The following COL4A2 variants were observed in gnomAD, a reference collection of about 807,000 sequenced individuals.
COL4A2 encodes collagen type IV alpha 2 chain, also known as collagen alpha-2(IV) chain.
In COL4A2, 99 loss-of-function variants were observed where a neutral mutation model predicts 200.2. That is an observed-to-expected ratio of 0.49 (90% confidence interval 0.42 to 0.58). The LOEUF is 0.58. Among genes scored for constraint, COL4A2 ranks in the 20% least tolerant of loss-of-function variants. The pLI is 0.00. For missense variants in COL4A2, 1,950 were observed against 2,314.1 expected, an observed-to-expected ratio of 0.84 and a Z score of 3.23; for synonymous variants, 897 against 900.6, an observed-to-expected ratio of 1.00 and a Z score of 0.07.
At chr13:110,343,097 G>A (rs1876532355) in intron 3 of COL4A2, among the ~76,000 whole-genome samples, 1 of 152,094 alleles carries the variant, frequency 6.6e-6, no homozygotes, top group East Asian at 1.9e-4. Context: ...CCTAGTCCAG[G>A]GAACATGCAA....
At chr13:110,353,011 G>T (rs761993808) in intron 3 of COL4A2, among the ~76,000 whole-genome samples, 1 of 152,200 alleles carries the variant, frequency 6.6e-6, no homozygotes, top group Admixed American at 6.5e-5. Context: ...TGCAGGGGGC[G>T]TCAGTGAGAG....
At chr13:110,318,935 G>A (rs939608358) in intron 3 of COL4A2, among the ~76,000 whole-genome samples, 4 of 151,986 alleles carry the variant, frequency 2.6e-5, no homozygotes, top group Non-Finnish European at 4.4e-5. Context: ...TTATGGGCAG[G>A]TTGGGGGTTG....
intron 3 of COL4A2, among the ~76,000 whole-genome samples, chr13:110,309,453 T>A (rs1884910330): frequency 6.6e-6 from 1 of 152,234 alleles, no homozygotes; most frequent in South Asian, 2.1e-4. Flanking sequence ...CTCAGATTTA[T>A]GAACCAGAAG....
chr13:110,423,719 CT>C (rs763750428), intron 4 of COL4A2, among the ~76,000 whole-genome samples: 9 of 152,168 alleles, frequency 5.9e-5, no homozygotes, highest in African/African-American at 9.6e-5. Flanking sequence ...CTGCCTCCCC[CT>C]GTCCCTCTCT....
intron 4 of COL4A2, among the ~76,000 whole-genome samples, chr13:110,396,391 T>G (rs1399678958): frequency 6.6e-6 from 1 of 152,218 alleles, no homozygotes; most frequent in African/African-American, 2.4e-5. Context: ...CATGCAGGCT[T>G]GCGTTGGAAA....
chr13:110,310,650 G>T (rs749774873), intron 3 of COL4A2, among the ~76,000 whole-genome samples: 1 of 152,102 alleles, frequency 6.6e-6, no homozygotes, highest in African/African-American at 2.4e-5. Flanking sequence ...ATTGATTAAA[G>T]ATTTTTCTTA....
At chr13:110,390,317 C>T (rs1416917043) in intron 4 of COL4A2, among the ~76,000 whole-genome samples, 1 of 152,248 alleles carries the variant, frequency 6.6e-6, no homozygotes, top group African/African-American at 2.4e-5. Context: ...TCCAGGAAGA[C>T]TTCCATGGAA....
chr13:110,310,956 A>T (rs1884964302), intron 3 of COL4A2, among the ~76,000 whole-genome samples: 2 of 152,226 alleles, frequency 1.3e-5, no homozygotes, highest in South Asian at 2.1e-4. Flanking sequence ...AATGAGACGG[A>T]TTAGAACCCA....
intron 3 of COL4A2, among the ~76,000 whole-genome samples, chr13:110,354,656 A>T (rs1877112746): frequency 6.6e-6 from 1 of 150,620 alleles, no homozygotes; most frequent in Non-Finnish European, 1.5e-5. Context: ...TAACTGATGC[A>T]TCAGATACTA....
rs141592511 is a variant in COL4A2 at position 110,482,956 on chromosome 13, G to A, written c.2902+297G>A. Reference sequence around the variant, plus strand: ...AAACATATTCCACCATGATTATACCGTGGTAAACATGAAGAGGGGGCGGTG... The same window carrying A: ...AAACATATTCCACCATGATTATACCATGGTAAACATGAAGAGGGGGCGGTG... On this transcript the variant is annotated intron_variant, in intron 32 of 47. Coordinates refer to ENST00000360467, the MANE Select transcript of COL4A2 (RefSeq NM_001846.4). Among the ~76,000 whole-genome samples the A allele has an allele frequency of 2.8e-3, 431 of 152,242 alleles. 5 individuals are homozygous for A. Among genetic ancestry groups the A allele is most frequent in the African/African-American group, 9.8e-3 (408 of 41,542 alleles).
intron 24 of COL4A2, among the ~76,000 whole-genome samples, chr13:110,462,746 A>G (rs1479542739): frequency 6.6e-6 from 1 of 152,168 alleles, no homozygotes; most frequent in African/African-American, 2.4e-5. Context: ...TTTTGCAACA[A>G]ACACACACTG....
intron 38 of COL4A2, 140 bp from the exon 39 acceptor site, chr13:110,493,063 GATGAGTGA>G: frequency 7.8e-5 from 39 of 501,448 alleles, no homozygotes; most frequent in South Asian, 1.2e-4. Context: ...GTGAAATAAC[GATGAGTGA>G]CACCCCCATG....
At chr13:110,328,377 T>C (rs1234563902) in intron 3 of COL4A2, 1 of 152,206 alleles carries the variant, frequency 6.6e-6, no homozygotes, top group Non-Finnish European at 1.5e-5. Context: ...TAGGAATATT[T>C]TCCACTCTGG....
At chr13:110,464,273 G>A (rs1316323508) in intron 24 of COL4A2, among the ~76,000 whole-genome samples, 1 of 152,148 alleles carries the variant, frequency 6.6e-6, no homozygotes, top group Non-Finnish European at 1.5e-5. Flanking sequence ...AGGGTTAGGG[G>A]TAGGGGTGAG....
At chr13:110,431,660 C>T (rs1016777528) in intron 10 of COL4A2, among the ~76,000 whole-genome samples, 5 of 152,270 alleles carry the variant, frequency 3.3e-5, no homozygotes, top group African/African-American at 9.6e-5. Flanking sequence ...CGGAGAAGTC[C>T]GGCACAACAG....
intron 38 of COL4A2, 113 bp downstream of exon 38, chr13:110,492,290 C>A: frequency 2.2e-6 from 2 of 895,510 alleles, no homozygotes; most frequent in Admixed American, 2.5e-5. Flanking sequence ...CATACGAGAG[C>A]AAAGGCAGGT....
At chr13:110,428,334 C>T (rs775669110) in intron 6 of COL4A2, 133 bp from the exon 7 acceptor site, 14 of 630,902 alleles carry the variant, frequency 2.2e-5, no homozygotes, top group Non-Finnish European at 3.9e-5. Flanking sequence ...CATTTGTTCA[C>T]TTTTGAGGTG....
Position 110,421,215 on chromosome 13 carries a change from A to G in COL4A2, c.181-3519A>G, listed in dbSNP as rs142309430. Among the ~76,000 whole-genome samples the G allele has an allele frequency of 4.5e-3, 690 of 152,370 alleles. 7 individuals are homozygous for G. Among genetic ancestry groups the G allele is most frequent in the African/African-American group, 0.016 (661 of 41,596 alleles). The stretch of plus-strand genomic sequence containing the variant: ...TCAAATATGTGATACTCGTGCACAC[A>G]TATTTACAGCAGCACTATTTAGCAA... On this transcript the variant is annotated intron_variant, in intron 4 of 47. Transcript: ENST00000360467.
chr13:110,405,737 C>T (rs532574443), intron 4 of COL4A2, among the ~76,000 whole-genome samples: 1 of 152,252 alleles, frequency 6.6e-6, no homozygotes, highest in Admixed American at 6.5e-5. Flanking sequence ...CACTTTTTCC[C>T]TTGGTTTTTG....
Sources: allele counts gnomAD v4.1 joint callset (sites outside exome capture counted in the v4.1 genomes callset), GRCh38; gene constraint gnomAD v4.1.1; transcripts MANE v1.5; gene names NCBI Gene and HGNC (gene_info 2026-07-23, HGNC 2026-07-21).